MAP2K5: variants seen among roughly 807,000 people sequenced by gnomAD.
The protein encoded by MAP2K5 is dual specificity mitogen-activated protein kinase kinase 5.
Under a neutral mutation model 83.1 loss-of-function variants are expected in MAP2K5, and 49 were observed. That is an observed-to-expected ratio of 0.59 (90% CI 0.47 to 0.75). MAP2K5 has a LOEUF of 0.75. Ranked by LOEUF, MAP2K5 falls within the 30% of genes least tolerant of loss-of-function variation. MAP2K5 has a pLI of 0.00. For synonymous variants in MAP2K5, 202 were observed against 191.8 expected (o/e 1.05, Z -0.44); for missense variants, 457 against 557.5 (o/e 0.82, Z 1.82).
Position 67,692,501 on chromosome 15 carries a change from A to T in MAP2K5, c.870A>T (p.Leu290=). 1.9e-6 allele frequency: 3 copies of T among 1,613,670 alleles called. No homozygotes were observed. Among genetic ancestry groups the T allele is most frequent in the Non-Finnish European group, 2.5e-6 (3 of 1,179,634 alleles). Reference sequence around the variant, plus strand: ...TAGACGTGAAGCCCTCCAATATGCTAGTAAACACAAGAGGACAGGTTAAGC... The same window carrying T: ...TAGACGTGAAGCCCTCCAATATGCTTGTAAACACAAGAGGACAGGTTAAGC... ...LHRDVKPSNM[L]VNTRGQVKLC... Residue 290 remains leucine, a synonymous_variant, in exon 14 of 22, where the codon CTA becomes CTT. Coordinates refer to ENST00000178640, the MANE Select transcript of MAP2K5 (RefSeq NM_145160.3).
intron 16 of MAP2K5, among the ~76,000 whole-genome samples, chr15:67,709,730 C>A (rs867784506): frequency 3.3e-5 from 5 of 152,266 alleles, no homozygotes; most frequent in Middle Eastern, 3.4e-3. Flanking sequence ...CAACATAAAT[C>A]TGTAGTTGGG....
chr15:67,601,874 C>G (rs1166418557), intron 8 of MAP2K5, among the ~76,000 whole-genome samples: 1 of 152,228 alleles, frequency 6.6e-6, no homozygotes, highest in Non-Finnish European at 1.5e-5. Context: ...TTTGCAGATA[C>G]AGCCAAGATG....
chr15:67,646,176 A>C (rs1457904867), intron 9 of MAP2K5, 55 bp from the exon 10 acceptor site: 2 of 742,176 alleles, frequency 2.7e-6, no homozygotes, highest in Non-Finnish European at 4.4e-6. Context: ...TTTCATAGTG[A>C]TTATAACTAA....
chr15:67,582,352 G>C (rs1006085061), intron 4 of MAP2K5, among the ~76,000 whole-genome samples: 1 of 152,048 alleles, frequency 6.6e-6, no homozygotes, highest in Admixed American at 6.6e-5. Flanking sequence ...GAGCCACCAC[G>C]CCCAGCCAGG....
chr15:67,741,739 G>A (rs1282371392), intron 17 of MAP2K5, among the ~76,000 whole-genome samples: 1 of 152,130 alleles, frequency 6.6e-6, no homozygotes, highest in Admixed American at 6.5e-5. Flanking sequence ...TCATAAGGAA[G>A]AAAACAGGGA....
At chr15:67,575,931 T>TCTTTC (rs1596583496) in intron 3 of MAP2K5, among the ~76,000 whole-genome samples, 2 of 146,892 alleles carry the variant, frequency 1.4e-5, no homozygotes, top group African/African-American at 2.5e-5. Flanking sequence ...TTTTTTTTTT[T>TCTTTC]TTTTTTAAGA....
intron 12 of MAP2K5, among the ~76,000 whole-genome samples, chr15:67,660,401 A>C (rs1044622849): frequency 6.6e-6 from 1 of 152,128 alleles, no homozygotes; most frequent in African/African-American, 2.4e-5. Flanking sequence ...TACTAGTCAA[A>C]ATAAGACTAG....
At chr15:67,699,578 C>T (rs1359299029) in intron 15 of MAP2K5, among the ~76,000 whole-genome samples, 1 of 152,150 alleles carries the variant, frequency 6.6e-6, no homozygotes, top group East Asian at 1.9e-4. Flanking sequence ...GGACAAGGCA[C>T]ATCATGCTGA....
intron 16 of MAP2K5, among the ~76,000 whole-genome samples, chr15:67,711,671 G>GCACACACA (rs72106715): frequency 7.2e-4 from 109 of 150,994 alleles, no homozygotes; most frequent in African/African-American, 2.6e-3. Context: ...AGGCGTGCAC[G>GCACACACA]CACACACACA....
At chr15:67,683,002 A>C (rs2087859819) in intron 13 of MAP2K5, among the ~76,000 whole-genome samples, 1 of 152,020 alleles carries the variant, frequency 6.6e-6, no homozygotes, top group Admixed American at 6.6e-5. Context: ...CTAGCTGGGC[A>C]TGGTGGCAGT....
intron 8 of MAP2K5, among the ~76,000 whole-genome samples, chr15:67,604,532 A>G (rs2085735520): frequency 1.3e-5 from 2 of 152,168 alleles, no homozygotes; most frequent in Admixed American, 6.5e-5. Flanking sequence ...CTAATTAGCT[A>G]CGTAACCTTT....
In MAP2K5 at chr15:67,781,567, C is replaced by T. The variant is rs968639231; in HGVS notation, c.1242+8815C>T. Among the ~76,000 whole-genome samples, 11 of 152,176 alleles carry T rather than the reference C, an allele frequency of 7.2e-5. 1 individual carries two copies. Among genetic ancestry groups the T allele is most frequent in the Admixed American group, 4.6e-4 (7 of 15,284 alleles). ...AATTAAACGTTAGGCCTTGGTCTAC[C>T]GAGAGACATTTGCTGGAGTGTGGAC... On this transcript the variant is annotated intron_variant, in intron 21 of 21. Transcript: ENST00000178640. The surrounding 1 kb of genome is among the most constrained non-coding windows in gnomAD (Gnocchi z 4.0).
intron 13 of MAP2K5, among the ~76,000 whole-genome samples, chr15:67,678,185 G>T (rs973959612): frequency 2.0e-5 from 3 of 151,868 alleles, no homozygotes; most frequent in African/African-American, 4.8e-5. Flanking sequence ...TAGATATATT[G>T]TTTTTTTTCT....
intron 19 of MAP2K5, among the ~76,000 whole-genome samples, chr15:67,766,784 C>T (rs2090049706): frequency 6.6e-6 from 1 of 152,136 alleles, no homozygotes; most frequent in African/African-American, 2.4e-5. Flanking sequence ...CCTTTGCTTT[C>T]CTTTGGAGTG....
chr15:67,674,690 T>C (rs1207566156), intron 13 of MAP2K5, among the ~76,000 whole-genome samples: 1 of 152,170 alleles, frequency 6.6e-6, no homozygotes, highest in African/African-American at 2.4e-5. Context: ...ACGCTACATG[T>C]CTTAAAAGTA....
At chr15:67,754,095 T>G (rs1036769235) in intron 19 of MAP2K5, among the ~76,000 whole-genome samples, 9 of 152,098 alleles carry the variant, frequency 5.9e-5, no homozygotes, top group African/African-American at 2.2e-4. Flanking sequence ...GGGAAGTCTA[T>G]AGAGACAGGA....
intron 7 of MAP2K5, among the ~76,000 whole-genome samples, chr15:67,595,888 C>G (rs562544777): frequency 4.6e-5 from 7 of 152,162 alleles, no homozygotes; most frequent in African/African-American, 1.7e-4. Flanking sequence ...TAGAAATAGC[C>G]CAAAGTGTCA....
rs1402287367 is a variant in MAP2K5, at chr15:67,600,540, G to A, written c.481-145G>A. The A allele has an allele frequency of 4.7e-6, 3 of 638,900 alleles. No homozygotes were observed. The African/African-American group carries it at 5.7e-5, about 12-fold the overall frequency. The allele number at this position is 638,900 out of a possible 1,614,324, so 39.6% of individuals were successfully genotyped here. A position where few individuals can be genotyped will look rare whatever the true frequency, so the allele number is the denominator to read the frequency against. The stretch of plus-strand genomic sequence containing the variant: ...GGTATCGTCTTTTATAAATTGGACA[G>A]CAAACGTTGTATTGATCTTCTCGTT... On this transcript the variant is annotated intron_variant, in intron 7 of 21. Transcript: ENST00000178640.
intron 15 of MAP2K5, among the ~76,000 whole-genome samples, chr15:67,695,182 T>C (rs1009478679): frequency 1.3e-5 from 2 of 151,788 alleles, no homozygotes; most frequent in African/African-American, 4.8e-5. Flanking sequence ...GTGGGTGCAG[T>C]GCACCAGCAT....
Sources: gnomAD v4.1 joint callset for allele counts (sites outside exome capture counted in the v4.1 genomes callset) on GRCh38, gnomAD v4.1.1 for gene constraint, Gnocchi (gnomAD v3.1) non-coding constraint, MANE v1.5 for transcripts, NCBI Gene and HGNC (gene_info 2026-07-23, HGNC 2026-07-21) for gene names.